GNAT3: variants seen among roughly 807,000 people sequenced by gnomAD.
GNAT3 encodes G protein subunit alpha transducin 3.
GNAT3 carries 31 observed loss-of-function variants against 37.7 expected under a neutral mutation model. The ratio of observed to expected loss-of-function variants is 0.82; its 90% CI spans 0.62 to 1.11. The LOEUF is 1.11. GNAT3 is among the 50% of genes most tolerant of loss of function. The pLI is 0.00. For missense variants in GNAT3, 437 were observed against 412.5 expected (o/e 1.06, Z -0.51); for synonymous variants, 138 against 139.8 (o/e 0.99, Z 0.09).
chr7:80,501,737 GTA>G (rs1232234043), intron 1 of GNAT3, among the ~76,000 whole-genome samples: 1 of 151,670 alleles, frequency 6.6e-6, no homozygotes, highest in African/African-American at 2.4e-5. Context: ...TCAATTATCT[GTA>G]TTCTCTGATT....
At chr7:80,505,955 A>G (rs530941555) in intron 1 of GNAT3, among the ~76,000 whole-genome samples, 41 of 152,212 alleles carry the variant, frequency 2.7e-4, no homozygotes, top group Non-Finnish European at 5.1e-4. Context: ...CACGAACCTA[A>G]TAAGTAGGGA....
At chr7:80,487,518 A>G (rs1790511212) in intron 3 of GNAT3, among the ~76,000 whole-genome samples, 1 of 152,128 alleles carries the variant, frequency 6.6e-6, no homozygotes, top group African/African-American at 2.4e-5. Flanking sequence ...AGCACAGAAA[A>G]GGCTTTGTTT....
rs1562733799 is a variant in GNAT3 at position 80,499,489 on chromosome 7, A to G, written c.119-4842T>C. Among the ~76,000 whole-genome samples, 9 of 152,258 alleles carry G rather than the reference A, an allele frequency of 5.9e-5. No individual in the cohort carries two copies. The South Asian group carries it at 1.7e-3, about 28-fold the overall frequency. ...AGCCTTGGCCTCCTGGCCTCAAGCA[A>G]TCCTCCTGCCTGTCTCACAAACTGC... On this transcript the variant is annotated intron_variant, in intron 1 of 7. Coordinates refer to ENST00000398291, the MANE Select transcript of GNAT3 (RefSeq NM_001102386.3).
intron 1 of GNAT3, among the ~76,000 whole-genome samples, chr7:80,503,158 A>C (rs1790868606): frequency 6.6e-6 from 1 of 152,214 alleles, no homozygotes; most frequent in Non-Finnish European, 1.5e-5. Context: ...ATGCAATAAC[A>C]TATAAATGAC....
chr7:80,489,584 A>G (rs533647153), intron 2 of GNAT3, among the ~76,000 whole-genome samples: 192 of 152,110 alleles, frequency 1.3e-3, no homozygotes, highest in Non-Finnish European at 2.3e-3. Flanking sequence ...GAAGCTTCCT[A>G]TACAAGAAAT....
At chr7:80,504,612 G>A (rs889097368) in intron 1 of GNAT3, among the ~76,000 whole-genome samples, 3 of 152,144 alleles carry the variant, frequency 2.0e-5, no homozygotes, top group Admixed American at 2.0e-4. Flanking sequence ...TGAAGAAAAA[G>A]CCAATAGATA....
At chr7:80,488,841 T>A (rs1790537229) in intron 2 of GNAT3, among the ~76,000 whole-genome samples, 165 bp from the exon 3 acceptor site, 1 of 152,166 alleles carries the variant, frequency 6.6e-6, no homozygotes, top group Admixed American at 6.6e-5. Context: ...TTTGGACTTT[T>A]ATTATCATTG....
intron 2 of GNAT3, among the ~76,000 whole-genome samples, chr7:80,492,106 G>A (rs1316471095): frequency 6.6e-6 from 1 of 151,278 alleles, no homozygotes; most frequent in African/African-American, 2.4e-5. Context: ...GAAGCAGGTG[G>A]ATCACTTGAG....
intron 1 of GNAT3, among the ~76,000 whole-genome samples, chr7:80,505,308 T>C (rs1307841628): frequency 1.3e-5 from 2 of 152,172 alleles, no homozygotes; most frequent in Non-Finnish European, 1.5e-5. Context: ...TCACTAAATA[T>C]GGAAAAGTAT....
At chr7:80,477,214 A>G (rs1790319108) in intron 4 of GNAT3, among the ~76,000 whole-genome samples, 1 of 152,152 alleles carries the variant, frequency 6.6e-6, no homozygotes, top group South Asian at 2.1e-4. Flanking sequence ...TTTGTACAAG[A>G]CTAAATATAT....
At chr7:80,498,275 T>C (rs1261868224) in intron 1 of GNAT3, among the ~76,000 whole-genome samples, 2 of 152,146 alleles carry the variant, frequency 1.3e-5, no homozygotes, top group Admixed American at 1.3e-4. Flanking sequence ...CAATTATTTG[T>C]AACTTAGCTG....
intron 5 of GNAT3, among the ~76,000 whole-genome samples, chr7:80,470,531 C>T (rs915056490): frequency 4.6e-5 from 7 of 152,130 alleles, no homozygotes; most frequent in African/African-American, 4.8e-5. Context: ...AAGAGAATAT[C>T]GTATCAAAAT....
At chr7:80,462,896 G>A (rs1424177950) in intron 5 of GNAT3, among the ~76,000 whole-genome samples, 1 of 152,150 alleles carries the variant, frequency 6.6e-6, no homozygotes, top group Non-Finnish European at 1.5e-5. Context: ...GTTTAAAAGA[G>A]TTTAGAGTTT....
At chr7:80,492,297 T>C (rs1055911013) in intron 2 of GNAT3, among the ~76,000 whole-genome samples, 1 of 152,102 alleles carries the variant, frequency 6.6e-6, no homozygotes, top group Non-Finnish European at 1.5e-5. Flanking sequence ...TGAGCCAAGA[T>C]TGTGCCACTG....
chr7:80,474,500 T>C, intron 4 of GNAT3, 121 bp from the exon 5 acceptor site: 1 of 388,528 alleles, frequency 2.6e-6, no homozygotes, highest in Non-Finnish European at 4.4e-6. Flanking sequence ...TTTTTAACTT[T>C]GCGTTTGAAG....
At chr7:80,480,294 A>C (rs1376061719) in intron 3 of GNAT3, among the ~76,000 whole-genome samples, 1 of 152,196 alleles carries the variant, frequency 6.6e-6, no homozygotes, top group East Asian at 1.9e-4. Context: ...CAACCATGAG[A>C]TAGACACTAT....
chr7:80,473,282 C>G lies in GNAT3; in HGVS notation c.590+969G>C, dbSNP rs192956814. The stretch of plus-strand genomic sequence containing the variant: ...AGATACGAATTTTGAAGAGTTTTTC[C>G]GTATTAGTTGAAAATATACTATCTA... On this transcript the variant is annotated intron_variant, in intron 5 of 7. Coordinates refer to ENST00000398291, the MANE Select transcript of GNAT3 (RefSeq NM_001102386.3). Among the ~76,000 whole-genome samples the G allele has an allele frequency of 3.8e-3, 585 of 152,032 alleles. 3 individuals are homozygous for G. Among genetic ancestry groups the G allele is most frequent in the African/African-American group, 0.013 (535 of 41,468 alleles).
At chr7:80,466,747 T>C (rs969291993) in intron 5 of GNAT3, among the ~76,000 whole-genome samples, 1 of 152,142 alleles carries the variant, frequency 6.6e-6, no homozygotes, top group Non-Finnish European at 1.5e-5. Flanking sequence ...ATCTCTGAGA[T>C]GAAAATCAGA....
At chr7:80,492,154 A>T (rs961232541) in intron 2 of GNAT3, among the ~76,000 whole-genome samples, 2 of 142,740 alleles carry the variant, frequency 1.4e-5, no homozygotes, top group African/African-American at 5.2e-5. Context: ...ATGTGGTGAA[A>T]CCCCAACTCT....
Sources: gnomAD v4.1 joint callset for allele counts (sites outside exome capture counted in the v4.1 genomes callset) on GRCh38, gnomAD v4.1.1 for gene constraint, MANE v1.5 for transcripts, NCBI Gene and HGNC (gene_info 2026-07-23, HGNC 2026-07-21) for gene names.